The following ZDHHC3 variants were observed in gnomAD, a reference collection of about 807,000 sequenced individuals.
The protein encoded by ZDHHC3 is zDHHC palmitoyltransferase 3, also known as palmitoyltransferase ZDHHC3.
A neutral mutation model predicts 30.6 loss-of-function variants in ZDHHC3; 9 were observed. That is an observed-to-expected ratio of 0.29 (90% CI 0.18 to 0.51). The LOEUF (loss-of-function observed/expected upper bound fraction) is 0.51, where lower values mean the gene tolerates loss of function less well. ZDHHC3 is among the 20% of genes least tolerant of loss of function. ZDHHC3 has a pLI of 0.97. For missense variants in ZDHHC3, 246 were observed against 384.2 expected, an observed-to-expected ratio of 0.64 and a Z score of 3.01; for synonymous variants, 136 against 140.2, an observed-to-expected ratio of 0.97 and a Z score of 0.21.
intron 6 of ZDHHC3, among the ~76,000 whole-genome samples, chr3:44,928,717 G>A (rs536157243): frequency 2.6e-4 from 40 of 152,336 alleles, no homozygotes; most frequent in African/African-American, 9.4e-4. Context: ...AGCTTCCAGC[G>A]AAGATGCTGT....
intron 1 of ZDHHC3, among the ~76,000 whole-genome samples, chr3:44,964,436 C>T (rs1251539370): frequency 2.0e-5 from 3 of 152,008 alleles, no homozygotes; most frequent in African/African-American, 4.8e-5. Context: ...GGGCTGTGTG[C>T]GTGTCTGTGG....
intron 1 of ZDHHC3, among the ~76,000 whole-genome samples, chr3:44,960,455 T>C (rs1406694159): frequency 1.3e-5 from 2 of 152,388 alleles, no homozygotes; most frequent in Admixed American, 1.3e-4. Context: ...CAAAGCACTC[T>C]TTCTCTCTAG....
In ZDHHC3 at chr3:44,925,622, G is replaced by A. The variant is rs1219109943; in HGVS notation, c.*1067C>T. 7 of 985,342 alleles carry A rather than the reference G, an allele frequency of 7.1e-6. No individual in the cohort carries two copies. The East Asian group carries it at 5.7e-4, about 80-fold the overall frequency. 61.0% of individuals were successfully genotyped at this position (985,342 alleles called of 1,614,324 possible). Reference sequence around the variant, plus strand: ...AACTTTGAAAGGGTGGGGACTGTGAGGTAACCCCAGCATCATGGTCATCTC... The same window carrying A: ...AACTTTGAAAGGGTGGGGACTGTGAAGTAACCCCAGCATCATGGTCATCTC... On this transcript the variant is annotated 3_prime_UTR_variant, in exon 7 of 7. Coordinates refer to ENST00000424952, the MANE Select transcript of ZDHHC3 (RefSeq NM_001135179.2).
intron 6 of ZDHHC3, 142 bp downstream of exon 6, chr3:44,929,164 T>C (rs1039872442): frequency 8.8e-7 from 1 of 1,140,742 alleles, no homozygotes; most frequent in African/African-American, 1.6e-5. Context: ...CAAGTGTAAC[T>C]GCAAACAAAG....
chr3:44,926,747 G>A lies in ZDHHC3; in HGVS notation c.842C>T (p.Ala281Val), dbSNP rs756914484. 2.0e-5 allele frequency: 32 copies of A among 1,613,798 alleles called. No homozygotes were observed. The highest frequency in any genetic ancestry group is 1.6e-4 in the Middle Eastern group (1 of 6,076). Residue 281 changes from alanine to valine, a missense_variant, in exon 7 of 7, where the codon GCC becomes GTC. By Grantham distance (64) the Ala-to-Val change is moderately conservative (BLOSUM62 0). Transcript: ENST00000424952. Reference protein sequence around the residue: ...VFGHPFSLGWASPFATPDQGK... With the variant: ...VFGHPFSLGWVSPFATPDQGK... Reference sequence around the variant, plus strand: ...TTGGTCTGGCGTGGCAAAGGGGCTGGCCCAGCCTAGAGAGAAGGGGTGGCC... The same window carrying A: ...TTGGTCTGGCGTGGCAAAGGGGCTGACCCAGCCTAGAGAGAAGGGGTGGCC...
intron 3 of ZDHHC3, among the ~76,000 whole-genome samples, chr3:44,940,734 G>A (rs1276281828): frequency 1.3e-5 from 2 of 152,046 alleles, no homozygotes; most frequent in African/African-American, 4.8e-5. Context: ...TCAAACCTTG[G>A]TAGAATCCAC....
intron 3 of ZDHHC3, among the ~76,000 whole-genome samples, chr3:44,942,156 C>T (rs552838829): frequency 5.9e-5 from 9 of 152,348 alleles, no homozygotes; most frequent in East Asian, 1.9e-4. Context: ...AAATGCTGGG[C>T]GCAAACGTAT....
In ZDHHC3 at chr3:44,922,814, C is replaced by T. The variant is rs1700697261; in HGVS notation, c.*3875G>A. 2.0e-6 allele frequency: 2 copies of T among 985,076 alleles called. No individual in the cohort carries two copies. Among genetic ancestry groups the T allele is most frequent in the Admixed American group, 6.2e-5 (1 of 16,258 alleles). 61.0% of individuals were successfully genotyped at this position (985,076 alleles called of 1,614,324 possible). On this transcript the variant is annotated 3_prime_UTR_variant, in exon 7 of 7. Transcript: ENST00000424952. ...AGTTCTCAGGTGATGCTGATGTTGA[C>T]GTTGCTGGTCTGGCAACCTCAAGAA... is the stretch of plus-strand genomic sequence containing the variant.
rs913709171 is a variant in ZDHHC3 at position 44,922,875 on chromosome 3, T to C, written c.*3814A>G. ...GAGGATTCTAGCAAAATCTTTCTCT[T>C]TTCACATTTCTTTGATATCTAAGGG... On this transcript the variant is annotated 3_prime_UTR_variant, in exon 7 of 7. Transcript: ENST00000424952. The C allele has an allele frequency of 2.0e-6, 2 of 985,276 alleles. No individual in the cohort carries two copies. The highest frequency in any genetic ancestry group is 1.1e-4 in the East Asian group (1 of 8,794). 61.0% of individuals were successfully genotyped at this position (985,276 alleles called of 1,614,324 possible). A position where few individuals can be genotyped will look rare whatever the true frequency, so the allele number is the denominator to read the frequency against.
At chr3:44,957,875 A>C (rs531431815) in intron 2 of ZDHHC3, among the ~76,000 whole-genome samples, 53 of 152,360 alleles carry the variant, frequency 3.5e-4, no homozygotes, top group African/African-American at 1.1e-3. Context: ...AGTAGACAGT[A>C]AACTATGAAC....
At position 44,916,035 on chromosome 3, in the gene ZDHHC3, C is replaced by A. The variant is rs559030043; in HGVS notation, c.*10654G>T. 6.6e-6 allele frequency: 1 copy of A among 152,208 alleles called. No homozygotes were observed. The highest frequency in any genetic ancestry group is 6.5e-5 in the Admixed American group (1 of 15,290). 9.4% of individuals were successfully genotyped at this position (152,208 alleles called of 1,614,324 possible). The stretch of plus-strand genomic sequence containing the variant: ...TCCTGTCCAGATTGCAAGTTAATGG[C>A]CTTTACAGCTGACTCGGGCTCCTAT... On this transcript the variant is annotated 3_prime_UTR_variant, in exon 7 of 7. Transcript: ENST00000424952.
chr3:44,927,661 T>C (rs1003498851), intron 6 of ZDHHC3, among the ~76,000 whole-genome samples: 6 of 152,204 alleles, frequency 3.9e-5, no homozygotes, highest in African/African-American at 1.4e-4. Context: ...CCCTGCTAAG[T>C]CTCAGGAAAA....
intron 1 of ZDHHC3, among the ~76,000 whole-genome samples, chr3:44,967,145 A>G (rs1358442473): frequency 1.3e-5 from 2 of 152,262 alleles, no homozygotes; most frequent in African/African-American, 4.8e-5. Context: ...TACACATATT[A>G]CAGTTCATTG....
Position 44,920,411 on chromosome 3 carries a change from GAAACACCCAA to G in ZDHHC3, c.*6268_*6277del. 2 of 1,271,694 alleles carry G rather than the reference GAAACACCCAA, an allele frequency of 1.6e-6. No individual in the cohort carries two copies. Among genetic ancestry groups the G allele is most frequent in the Non-Finnish European group, 2.1e-6 (2 of 975,470 alleles). The allele number at this position is 1,271,694 out of a possible 1,614,324, so 78.8% of individuals were successfully genotyped here. On this transcript the variant is annotated 3_prime_UTR_variant, in exon 7 of 7. Transcript: ENST00000424952. ...CCATATGGCAGACCCGGCTACAGAG[GAAACACCCAA>G]AAATGACAGACTGGCTGCATCCACA...
In ZDHHC3 at chr3:44,922,484, T is replaced by C. The variant is rs1334638017; in HGVS notation, c.*4205A>G. ...ACTTTCTTTGATGTCTTGGCAGTTG[T>C]TTGTTGGGGAGGCCGCAGCTTATGA... is the stretch of plus-strand genomic sequence containing the variant. On this transcript the variant is annotated 3_prime_UTR_variant, in exon 7 of 7. Transcript: ENST00000424952. 2 of 985,308 alleles carry C rather than the reference T, an allele frequency of 2.0e-6. No individual in the cohort carries two copies. The highest frequency in any genetic ancestry group is 1.7e-5 in the African/African-American group (1 of 57,236). The allele number at this position is 985,308 out of a possible 1,614,324, so 61.0% of individuals were successfully genotyped here. A position where few individuals can be genotyped will look rare whatever the true frequency, so the allele number is the denominator to read the frequency against.
In ZDHHC3 at chr3:44,918,277, T is replaced by A. The variant is rs1700342785; in HGVS notation, c.*8412A>T. The A allele has an allele frequency of 8.3e-7, 1 of 1,199,988 alleles. No individual in the cohort carries two copies. The highest frequency in any genetic ancestry group is 1.1e-6 in the Non-Finnish European group (1 of 944,884). The allele number at this position is 1,199,988 out of a possible 1,614,324, so 74.3% of individuals were successfully genotyped here. On this transcript the variant is annotated 3_prime_UTR_variant, in exon 7 of 7. Coordinates refer to ENST00000424952, the MANE Select transcript of ZDHHC3 (RefSeq NM_001135179.2). The stretch of plus-strand genomic sequence containing the variant: ...TCCACGGCATGGGTAAGATGGGGTC[T>A]GAGTGGGCAGTCTGTTGTGGCCCAG...
At chr3:44,969,285 C>A (rs1009311842) in intron 1 of ZDHHC3, among the ~76,000 whole-genome samples, 2 of 152,112 alleles carry the variant, frequency 1.3e-5, no homozygotes, top group Non-Finnish European at 2.9e-5. Flanking sequence ...CTTTCCTGAC[C>A]CTCACTTAAG....
In ZDHHC3 at chr3:44,921,885, G is replaced by A. The variant is rs150984251; in HGVS notation, c.*4804C>T. On this transcript the variant is annotated 3_prime_UTR_variant, in exon 7 of 7. Coordinates refer to ENST00000424952, the MANE Select transcript of ZDHHC3 (RefSeq NM_001135179.2). ...AAATTCAGGGCATCCTTATGTCCGTGTTAGAGCATGTGCGGCCCCTAGAAG... is the reference window on the plus strand; with the variant it reads ...AAATTCAGGGCATCCTTATGTCCGTATTAGAGCATGTGCGGCCCCTAGAAG... The A allele has an allele frequency of 1.2e-4, 122 of 985,432 alleles. 5 individuals are homozygous for A. In the East Asian group the frequency reaches 0.012, roughly 99 times the overall value. The allele number at this position is 985,432 out of a possible 1,614,324, so 61.0% of individuals were successfully genotyped here. A position where few individuals can be genotyped will look rare whatever the true frequency, so the allele number is the denominator to read the frequency against.
chr3:44,949,993 G>A (rs1703298959), intron 2 of ZDHHC3, among the ~76,000 whole-genome samples: 1 of 152,094 alleles, frequency 6.6e-6, no homozygotes, highest in South Asian at 2.1e-4. Context: ...AAGCCACCAT[G>A]TCCAGCTAAT....
Sources: allele counts gnomAD v4.1 joint callset (sites outside exome capture counted in the v4.1 genomes callset), GRCh38; gene constraint gnomAD v4.1.1; transcripts MANE v1.5; gene names NCBI Gene and HGNC (gene_info 2026-07-23, HGNC 2026-07-21).